CACNA1C: variants seen among roughly 807,000 people sequenced by gnomAD.
CACNA1C encodes the protein voltage-dependent L-type calcium channel subunit alpha-1C.
A neutral mutation model predicts 229.0 loss-of-function variants in CACNA1C; 30 were observed. That is an observed-to-expected ratio of 0.13 (90% CI 0.10 to 0.18). CACNA1C has a LOEUF of 0.18. CACNA1C is among the 10% of genes least tolerant of loss of function. The pLI is 1.00. For missense variants in CACNA1C, 1,658 were observed against 2,845.0 expected, an observed-to-expected ratio of 0.58 and a Z score of 9.49; for synonymous variants, 1,114 against 1,132.5, an observed-to-expected ratio of 0.98 and a Z score of 0.33.
At chr12:2,609,191 G>A (rs2076556968) in intron 27 of CACNA1C, among the ~76,000 whole-genome samples, 1 of 152,136 alleles carries the variant, frequency 6.6e-6, no homozygotes, top group Non-Finnish European at 1.5e-5. Context: ...GCTTAAGTGG[G>A]AGTGAGATGG....
intron 1 of CACNA1C, among the ~76,000 whole-genome samples, chr12:1,975,025 C>A (rs1169715151): frequency 6.6e-6 from 1 of 152,110 alleles, no homozygotes; most frequent in Admixed American, 6.5e-5. Context: ...AATAGCCTAA[C>A]TATAAAACAC....
intron 3 of CACNA1C, among the ~76,000 whole-genome samples, chr12:2,125,036 A>T (rs1565847788): frequency 1.3e-5 from 2 of 152,134 alleles, no homozygotes; most frequent in Admixed American, 6.5e-5. Context: ...GGAGGGTAGC[A>T]GTGACCACAG....
At chr12:2,449,313 G>A (rs548482522) in intron 4 of CACNA1C, among the ~76,000 whole-genome samples, 198 bp downstream of exon 4, 6 of 152,258 alleles carry the variant, frequency 3.9e-5, no homozygotes, top group South Asian at 2.1e-4. Flanking sequence ...GAGAGAGTGC[G>A]CTTCCTGCCC....
intron 1 of CACNA1C, among the ~76,000 whole-genome samples, chr12:1,986,082 G>C (rs1178885126): frequency 6.6e-6 from 1 of 152,186 alleles, no homozygotes; most frequent in Admixed American, 6.5e-5. Flanking sequence ...CAAAGTGCTG[G>C]GATTACAGGC....
At position 2,405,229 on chromosome 12, in the gene CACNA1C, A is replaced by G. The variant is rs115038073; in HGVS notation, c.478-43747A>G. On this transcript the variant is annotated intron_variant, in intron 3 of 46. Coordinates refer to ENST00000399655, the MANE Select transcript of CACNA1C (RefSeq NM_000719.7). ...AGTGCCCTTCACCCAGTTTCCCCCA[A>G]TAGTCACACCATATGTACATAACGA... is the stretch of plus-strand genomic sequence containing the variant. Among the ~76,000 whole-genome samples the G allele has an allele frequency of 4.7e-3, 718 of 152,346 alleles. 9 individuals are homozygous for G. Among genetic ancestry groups the G allele is most frequent in the African/African-American group, 0.016 (654 of 41,572 alleles).
chr12:2,417,691 C>T (rs1373823581), intron 3 of CACNA1C, among the ~76,000 whole-genome samples: 5 of 152,186 alleles, frequency 3.3e-5, no homozygotes, highest in East Asian at 3.9e-4. Context: ...GGTAGCAGAA[C>T]GTTCTCATTC....
rs773062528 is a variant in CACNA1C at position 2,664,834 on chromosome 12, C to T, written c.4242C>T (p.Thr1414=). The change falls in exon 35 of 47, where the codon ACC becomes ACT. Residue 1414 remains threonine (T), a synonymous_variant. Transcript: ENST00000399655. The stretch of plus-strand genomic sequence containing the variant: ...TCTCCCTCCCCTCCAGGTGTGCCAC[C>T]GGGGAGGCCTGGCAGGACATCATGC... ...QAVLLLFRCA[T]GEAWQDIMLA... is the part of the protein sequence containing the mutation. 1.1e-5 allele frequency: 18 copies of T among 1,591,970 alleles called. No individual in the cohort carries two copies. Among genetic ancestry groups the T allele is most frequent in the Admixed American group, 5.2e-5 (3 of 57,410 alleles).
chr12:2,127,800 C>T (rs2090700699), intron 3 of CACNA1C, among the ~76,000 whole-genome samples: 1 of 152,194 alleles, frequency 6.6e-6, no homozygotes, highest in Non-Finnish European at 1.5e-5. Flanking sequence ...GAGATCTGAA[C>T]TGTGTGGCCT....
At position 2,627,972 on chromosome 12, in the gene CACNA1C, G is replaced by C. The variant is rs530305683; in HGVS notation, c.3829-6325G>C. ...CCCCTGTGTTTCTTGGGGCAGATAA[G>C]GAAGGCAGGCAGGAAGGAACAGAGA... On this transcript the variant is annotated intron_variant, in intron 29 of 46. Coordinates refer to ENST00000399655, the MANE Select transcript of CACNA1C (RefSeq NM_000719.7). Among the ~76,000 whole-genome samples the C allele has an allele frequency of 2.6e-4, 40 of 152,318 alleles. 1 individual carries two copies. In the East Asian group the frequency reaches 5.0e-3, roughly 19 times the overall value.
intron 3 of CACNA1C, among the ~76,000 whole-genome samples, chr12:2,139,619 C>T (rs2093934842): frequency 6.6e-6 from 1 of 151,204 alleles, no homozygotes; most frequent in African/African-American, 2.4e-5. Context: ...TAGCTCCAGA[C>T]AGGGTGGGCT....
chr12:2,285,018 G>A lies in CACNA1C; in HGVS notation c.478-163958G>A, dbSNP rs965302991. Among the ~76,000 whole-genome samples, 12 of 152,184 alleles carry A rather than the reference G, an allele frequency of 7.9e-5. No homozygotes were observed. The highest frequency in any genetic ancestry group is 7.2e-4 in the Admixed American group (11 of 15,282). ...AGTGAGCGGGGCCTGGGGTAGGGCC[G>A]TTCTGCAGATCCTGGGTTGGCTTCC... On this transcript the variant is annotated intron_variant, in intron 3 of 46. Transcript: ENST00000399655. The surrounding 1 kb of genome is among the most constrained non-coding windows in gnomAD (Gnocchi z 4.2).
chr12:2,052,937 C>T, upstream of CACNA1C: 1 of 971,834 alleles, frequency 1.0e-6, no homozygotes, highest in Non-Finnish European at 1.2e-6. Flanking sequence ...GGCGCGGGCG[C>T]GGCGGGGCTG....
chr12:2,514,791 C>T (rs1276966834), intron 9 of CACNA1C, among the ~76,000 whole-genome samples: 1 of 151,360 alleles, frequency 6.6e-6, no homozygotes, highest in Non-Finnish European at 1.5e-5. Context: ...TTCTGTTCTC[C>T]GCCTAAAACA....
At position 2,678,546 on chromosome 12, in the gene CACNA1C, G is replaced by A. The variant is rs1300022496; in HGVS notation, c.5091+679G>A. Among the ~76,000 whole-genome samples, 1 of 152,216 alleles carries A rather than the reference G, an allele frequency of 6.6e-6. No homozygotes were observed. The highest frequency in any genetic ancestry group is 2.4e-5 in the African/African-American group (1 of 41,460). ...CAAATCCTTCTATAGCAAGGGAGAA[G>A]CTGCCAGCCATAATTGTGCAGGACC... On this transcript the variant is annotated intron_variant, in intron 41 of 46. Transcript: ENST00000399655. The surrounding 1 kb of genome is among the most constrained non-coding windows in gnomAD (Gnocchi z 4.1).
intron 29 of CACNA1C, chr12:2,613,269 C>G (rs1265165194): frequency 6.6e-6 from 1 of 152,186 alleles, no homozygotes; most frequent in African/African-American, 2.4e-5. Context: ...TAGCATCCCT[C>G]TGTGGAGAAG....
At chr12:2,567,997 T>A (rs2052134608) in intron 13 of CACNA1C, among the ~76,000 whole-genome samples, 1 of 152,170 alleles carries the variant, frequency 6.6e-6, no homozygotes, top group African/African-American at 2.4e-5. Context: ...TACCAGAGAC[T>A]CAACTCAGTA....
intron 1 of CACNA1C, among the ~76,000 whole-genome samples, chr12:2,099,709 C>G (rs1254058281): frequency 6.6e-6 from 1 of 152,076 alleles, no homozygotes; most frequent in Non-Finnish European, 1.5e-5. Context: ...CTTACTGTGG[C>G]CACGCCAGTG....
intron 1 of CACNA1C, among the ~76,000 whole-genome samples, chr12:2,031,335 C>T (rs889326729): frequency 7.2e-5 from 11 of 152,180 alleles, no homozygotes; most frequent in Non-Finnish European, 1.3e-4. Context: ...TTCTCTTCTC[C>T]AAACCCTCTG....
intron 3 of CACNA1C, among the ~76,000 whole-genome samples, chr12:2,166,289 A>G (rs1330951439): frequency 6.6e-6 from 1 of 152,250 alleles, no homozygotes; most frequent in African/African-American, 2.4e-5. Context: ...ATCAGTAGTC[A>G]TTCTTTGGGA....
Sources: allele counts gnomAD v4.1 joint callset (sites outside exome capture counted in the v4.1 genomes callset), GRCh38; gene constraint gnomAD v4.1.1; non-coding constraint Gnocchi (gnomAD v3.1); transcripts MANE v1.5; gene names NCBI Gene and HGNC (gene_info 2026-07-23, HGNC 2026-07-21).